Variants in PTPRD observed in about 807,000 individuals in gnomAD.
PTPRD encodes receptor-type tyrosine-protein phosphatase delta.
PTPRD carries 34 observed loss-of-function variants against 214.5 expected under a neutral mutation model. That is an observed-to-expected ratio of 0.16 (90% CI 0.12 to 0.21). The LOEUF (loss-of-function observed/expected upper bound fraction) is 0.21. Ranked by LOEUF, PTPRD falls within the 10% of genes least tolerant of loss-of-function variation. The pLI is 1.00. For missense variants in PTPRD, 2,545 were observed against 2,398.7 expected (o/e 1.06, Z -1.27); for synonymous variants, 1,128 against 845.7 (o/e 1.33, Z -5.79).
intron 30 of PTPRD, among the ~76,000 whole-genome samples, chr9:8,476,246 GAGCCGGCAACCTAAATCCCTCACATGTGC>G (rs1565119021): frequency 6.6e-6 from 1 of 152,192 alleles, no homozygotes; most frequent in Non-Finnish European, 1.5e-5. Context: ...TTCTCATAAA[GAGCCGGCAACCTAAATCCCTCACATGTGC>G]AGTTCACAAT....
At chr9:10,096,181 C>T (rs189115968) in intron 3 of PTPRD, among the ~76,000 whole-genome samples, 1 of 151,734 alleles carries the variant, frequency 6.6e-6, no homozygotes, top group Non-Finnish European at 1.5e-5. Flanking sequence ...CGGTACACTA[C>T]TAGAATTGGG....
chr9:8,529,200 T>C (rs540498447), intron 14 of PTPRD, among the ~76,000 whole-genome samples: 10 of 152,102 alleles, frequency 6.6e-5, no homozygotes, highest in African/African-American at 2.2e-4. Flanking sequence ...AGTGTAGGCA[T>C]TGAGGTAGGA....
chr9:10,213,339 G>A (rs1378198658), intron 3 of PTPRD, among the ~76,000 whole-genome samples: 1 of 152,024 alleles, frequency 6.6e-6, no homozygotes, highest in Non-Finnish European at 1.5e-5. Context: ...GATAATCAGG[G>A]AATGTTTCAG....
intron 4 of PTPRD, among the ~76,000 whole-genome samples, chr9:10,019,783 G>A (rs895207837): frequency 3.4e-5 from 5 of 147,606 alleles, no homozygotes; most frequent in African/African-American, 9.7e-5. Flanking sequence ...GTTGTGGGGT[G>A]GGGGGGAGCT....
At chr9:10,228,909 G>A (rs1217416784) in intron 3 of PTPRD, among the ~76,000 whole-genome samples, 2 of 151,658 alleles carry the variant, frequency 1.3e-5, no homozygotes, top group East Asian at 2.0e-4. Flanking sequence ...AACTGTAATT[G>A]CAAAATAGTG....
intron 8 of PTPRD, among the ~76,000 whole-genome samples, chr9:9,423,052 T>C (rs1340811201): frequency 6.6e-6 from 1 of 152,186 alleles, no homozygotes; most frequent in African/African-American, 2.4e-5. Context: ...TTGAAAATTC[T>C]AAACCTCATC....
At chr9:8,687,376 C>T (rs1289159832) in intron 12 of PTPRD, among the ~76,000 whole-genome samples, 1 of 152,180 alleles carries the variant, frequency 6.6e-6, no homozygotes, top group African/African-American at 2.4e-5. Flanking sequence ...AGAAATAAAA[C>T]TATGGCATTT....
At position 8,882,817 on chromosome 9, in the gene PTPRD, G is replaced by T. The variant is rs991609137; in HGVS notation, c.-104+135880C>A. ...GGAGAATCAGGTGAAGCCAGGAGGTGTAGGTTGCCGTAAGCCGAGATCACA... is the reference window on the plus strand; with the variant it reads ...GGAGAATCAGGTGAAGCCAGGAGGTTTAGGTTGCCGTAAGCCGAGATCACA... On this transcript the variant is annotated intron_variant, in intron 11 of 45. Coordinates refer to ENST00000381196, the MANE Select transcript of PTPRD (RefSeq NM_002839.4). 2.8e-5 allele frequency among the ~76,000 whole-genome samples: 4 copies of T among 140,382 alleles called. No homozygotes were observed. In the Admixed American group the frequency reaches 3.1e-4, roughly 11 times the overall value. 92.1% of individuals were successfully genotyped at this position (140,382 alleles called of 152,430 possible). A position where few individuals can be genotyped will look rare whatever the true frequency, so the allele number is the denominator to read the frequency against.
intron 5 of PTPRD, among the ~76,000 whole-genome samples, chr9:9,859,341 C>G: frequency 6.6e-6 from 1 of 152,166 alleles, no homozygotes; most frequent in East Asian, 1.9e-4. Flanking sequence ...ATTGCAACAG[C>G]TTCCTGGACT....
chr9:9,411,365 A>C (rs1251046485), intron 8 of PTPRD, among the ~76,000 whole-genome samples: 1 of 151,842 alleles, frequency 6.6e-6, no homozygotes, highest in Non-Finnish European at 1.5e-5. Context: ...AATAAATCCT[A>C]AGCTAGCAAA....
At chr9:8,427,306 A>G (rs2094746267) in intron 35 of PTPRD, among the ~76,000 whole-genome samples, 2 of 152,196 alleles carry the variant, frequency 1.3e-5, no homozygotes, top group African/African-American at 4.8e-5. Context: ...CTGATAGATC[A>G]GGTGGGGATG....
intron 14 of PTPRD, among the ~76,000 whole-genome samples, chr9:8,609,578 C>CA (rs2095366173): frequency 6.6e-6 from 1 of 152,106 alleles, no homozygotes; most frequent in South Asian, 2.1e-4. Context: ...CATCCATACA[C>CA]AAAAACCACA....
At chr9:8,640,502 G>A (rs143712754) in intron 12 of PTPRD, among the ~76,000 whole-genome samples, 1 of 143,560 alleles carries the variant, frequency 7.0e-6, no homozygotes, top group Non-Finnish European at 1.5e-5. Flanking sequence ...TTAGGACCTG[G>A]AACTATTTTT....
chr9:9,546,768 G>C (rs1056650688), intron 8 of PTPRD, among the ~76,000 whole-genome samples: 1 of 151,666 alleles, frequency 6.6e-6, no homozygotes, highest in African/African-American at 2.4e-5. Context: ...TATGCATTAT[G>C]TTATTTAATC....
At chr9:9,701,269 T>A (rs1483184278) in intron 7 of PTPRD, among the ~76,000 whole-genome samples, 1 of 152,160 alleles carries the variant, frequency 6.6e-6, no homozygotes, top group Non-Finnish European at 1.5e-5. Flanking sequence ...ATGATGGTAG[T>A]TATATCTCAT....
intron 5 of PTPRD, among the ~76,000 whole-genome samples, chr9:9,791,065 T>A (rs2098963687): frequency 6.6e-6 from 1 of 152,164 alleles, no homozygotes; most frequent in Admixed American, 6.5e-5. Context: ...TAAAGGATTT[T>A]CCTTAAAATT....
intron 5 of PTPRD, among the ~76,000 whole-genome samples, chr9:9,801,793 G>A (rs1448646437): frequency 1.3e-5 from 2 of 151,960 alleles, no homozygotes; most frequent in Non-Finnish European, 2.9e-5. Context: ...AATTGACAAG[G>A]CCACTGCAAG....
chr9:10,440,352 T>C (rs1227365347), intron 2 of PTPRD, among the ~76,000 whole-genome samples: 1 of 151,820 alleles, frequency 6.6e-6, no homozygotes, highest in Non-Finnish European at 1.5e-5. Flanking sequence ...AAAGAGCTTC[T>C]TCAAAATACA....
chr9:9,453,756 G>A (rs568815468), intron 8 of PTPRD, among the ~76,000 whole-genome samples: 8 of 151,736 alleles, frequency 5.3e-5, no homozygotes, highest in Non-Finnish European at 1.2e-4. Context: ...TTGGATTTAA[G>A]GGAAAAGGAG....
Sources: allele counts gnomAD v4.1 joint callset (sites outside exome capture counted in the v4.1 genomes callset), GRCh38; gene constraint gnomAD v4.1.1; transcripts MANE v1.5; gene names NCBI Gene and HGNC (gene_info 2026-07-23, HGNC 2026-07-21).